ZDHHC14: variants seen among roughly 807,000 people sequenced by gnomAD.
The protein encoded by ZDHHC14 is zDHHC palmitoyltransferase 14.
A neutral mutation model predicts 47.7 loss-of-function variants in ZDHHC14; 16 were observed. The ratio of observed to expected loss-of-function variants is 0.34; its 90% CI spans 0.23 to 0.51. ZDHHC14 has a LOEUF of 0.51. Ranked by LOEUF, ZDHHC14 falls within the 20% of genes least tolerant of loss-of-function variation. ZDHHC14 has a pLI of 0.97. For synonymous variants in ZDHHC14, 293 were observed against 278.9 expected (o/e 1.05, Z -0.50); for missense variants, 515 against 662.5 (o/e 0.78, Z 2.44).
intron 3 of ZDHHC14, among the ~76,000 whole-genome samples, chr6:157,597,777 G>A (rs2114901568): frequency 6.6e-6 from 1 of 152,370 alleles, no homozygotes; most frequent in South Asian, 2.1e-4. Context: ...GCCCCTGGGG[G>A]GCACCGAGCA....
chr6:157,468,360 T>A (rs186617912), intron 1 of ZDHHC14, among the ~76,000 whole-genome samples: 17 of 152,346 alleles, frequency 1.1e-4, no homozygotes, highest in Non-Finnish European at 2.2e-4. Context: ...CCATTCCTTG[T>A]GATATTTTAC....
chr6:157,671,192 A>G (rs1228077114), intron 8 of ZDHHC14, among the ~76,000 whole-genome samples: 1 of 152,198 alleles, frequency 6.6e-6, no homozygotes, highest in East Asian at 1.9e-4. Context: ...TAATAAGCCA[A>G]ATAACATTTA....
At chr6:157,466,479 G>T (rs1193307785) in intron 1 of ZDHHC14, among the ~76,000 whole-genome samples, 2 of 152,212 alleles carry the variant, frequency 1.3e-5, no homozygotes, top group Admixed American at 1.3e-4. Flanking sequence ...TCAAATATGT[G>T]TTATTTAAAA....
At chr6:157,643,767 A>G (rs1020029730) in intron 5 of ZDHHC14, among the ~76,000 whole-genome samples, 2 of 149,866 alleles carry the variant, frequency 1.3e-5, no homozygotes, top group Admixed American at 6.7e-5. Flanking sequence ...CATAGTTGAC[A>G]TTGTCAAAGG....
At chr6:157,436,399 A>G (rs1411748283) in intron 1 of ZDHHC14, among the ~76,000 whole-genome samples, 1 of 152,132 alleles carries the variant, frequency 6.6e-6, no homozygotes, top group Non-Finnish European at 1.5e-5. Flanking sequence ...TCACCAGACA[A>G]TGGGAGAGCA....
At chr6:157,394,448 C>T (rs866428082) in intron 1 of ZDHHC14, among the ~76,000 whole-genome samples, 3 of 152,210 alleles carry the variant, frequency 2.0e-5, no homozygotes, top group Admixed American at 1.3e-4. Context: ...TCACTTGGGA[C>T]GTGCACCTTT....
At chr6:157,504,783 G>GTGTTTTGTTTTGTTTTGTTTTGTTT (rs10692552) in intron 1 of ZDHHC14, among the ~76,000 whole-genome samples, 2 of 149,316 alleles carry the variant, frequency 1.3e-5, no homozygotes, top group Non-Finnish European at 3.0e-5. Context: ...AAAATACCAT[G>GTGTTTTGTTTTGTTTTGTTTTGTTT]TGTTTTGTTT....
chr6:157,424,975 G>A (rs1778188279), intron 1 of ZDHHC14, among the ~76,000 whole-genome samples: 1 of 152,108 alleles, frequency 6.6e-6, no homozygotes, highest in African/African-American at 2.4e-5. Context: ...CAGCCAGAGG[G>A]AGCTTTTCAT....
At chr6:157,655,320 AC>A in intron 8 of ZDHHC14, among the ~76,000 whole-genome samples, 1 of 152,148 alleles carries the variant, frequency 6.6e-6, no homozygotes, top group Non-Finnish European at 1.5e-5. Flanking sequence ...ACTTGTCCCC[AC>A]CTTTTTTAAG....
intron 2 of ZDHHC14, among the ~76,000 whole-genome samples, chr6:157,555,990 G>A (rs1418979625): frequency 1.3e-5 from 2 of 152,158 alleles, no homozygotes; most frequent in Non-Finnish European, 2.9e-5. Context: ...GATGCACGCT[G>A]GATTCACAAG....
chr6:157,579,260 C>G (rs554277986), intron 2 of ZDHHC14, among the ~76,000 whole-genome samples: 3 of 131,688 alleles, frequency 2.3e-5, no homozygotes, highest in Non-Finnish European at 4.6e-5. Context: ...TGCAGTGGCG[C>G]GATCTCGGCT....
intron 2 of ZDHHC14, among the ~76,000 whole-genome samples, chr6:157,565,064 G>T (rs1782850581): frequency 6.6e-6 from 1 of 152,032 alleles, no homozygotes; most frequent in Non-Finnish European, 1.5e-5. Flanking sequence ...GGGCAGCATG[G>T]TGAAACCCCA....
chr6:157,654,154 C>G (rs189285611), intron 8 of ZDHHC14, among the ~76,000 whole-genome samples: 9 of 152,310 alleles, frequency 5.9e-5, no homozygotes, highest in Admixed American at 5.9e-4. Flanking sequence ...TGACCAGTGC[C>G]TCTCCAGAGC....
intron 1 of ZDHHC14, among the ~76,000 whole-genome samples, chr6:157,474,341 T>C (rs999599439): frequency 6.6e-6 from 1 of 152,240 alleles, no homozygotes; most frequent in Non-Finnish European, 1.5e-5. Flanking sequence ...GGTTGTTTTA[T>C]ATCTTGGCTA....
chr6:157,499,620 A>G lies in ZDHHC14; in HGVS notation c.246-42965A>G, dbSNP rs545762891. ...CCTGCCTCACCAAAAGGGTTTTGTT[A>G]CTGCCATTCCCCATGGACTTCTTTA... On this transcript the variant is annotated intron_variant, in intron 1 of 8. Transcript: ENST00000359775. 5.3e-5 allele frequency among the ~76,000 whole-genome samples: 8 copies of G among 152,322 alleles called. No homozygotes were observed. The South Asian group carries it at 1.4e-3, about 28-fold the overall frequency.
Position 157,672,979 on chromosome 6 carries a change from G to C in ZDHHC14, c.1324G>C (p.Asp442His), listed in dbSNP as rs539667085. 6.3e-6 allele frequency: 10 copies of C among 1,594,690 alleles called. No individual in the cohort carries two copies. Among genetic ancestry groups the C allele is most frequent in the East Asian group, 2.3e-5 (1 of 43,858 alleles). ...CATGGGCCACCAGTTCCTGACGCCC[G>C]ATGAGGCGCCCTCGCCCCCCAGGCT... is the stretch of plus-strand genomic sequence containing the variant. ...EHMGHQFLTP[D>H]EAPSPPRLLA... The change falls in exon 9 of 9, where the codon GAT becomes CAT. Residue 442 changes from aspartate to histidine, a missense_variant. This residue lies in a region of ZDHHC14 where 221 missense variants were observed against 233.6 expected (regional missense o/e 0.95). Coordinates refer to ENST00000359775, the MANE Select transcript of ZDHHC14 (RefSeq NM_024630.3).
chr6:157,448,504 C>G (rs1259038283), intron 1 of ZDHHC14, among the ~76,000 whole-genome samples: 1 of 152,252 alleles, frequency 6.6e-6, no homozygotes, highest in East Asian at 1.9e-4. Flanking sequence ...CTTCCATATA[C>G]TAACCCTACT....
chr6:157,480,259 G>GTTTTTTTTTTTTTTGTTTTTTTTT (rs544976884), intron 1 of ZDHHC14, among the ~76,000 whole-genome samples: 1 of 121,566 alleles, frequency 8.2e-6, no homozygotes, highest in Non-Finnish European at 1.7e-5. Context: ...GTTGTTTTGG[G>GTTTTTTTTTTTTTTGTTTTTTTTT]TTTTTTTTTT....
At chr6:157,613,867 A>G (rs975132574) in intron 3 of ZDHHC14, among the ~76,000 whole-genome samples, 10 of 151,628 alleles carry the variant, frequency 6.6e-5, no homozygotes, top group Admixed American at 5.9e-4. Flanking sequence ...GTAAGGAATG[A>G]AAAAAAAAGT....
Sources: gnomAD v4.1 joint callset for allele counts (sites outside exome capture counted in the v4.1 genomes callset) on GRCh38, gnomAD v4.1.1 for gene constraint, gnomAD v4.1.1 regional missense constraint, MANE v1.5 for transcripts, NCBI Gene and HGNC (gene_info 2026-07-23, HGNC 2026-07-21) for gene names.